The following ASTN2 variants were observed in gnomAD, a reference collection of about 807,000 sequenced individuals.
The protein encoded by ASTN2 is astrotactin-2.
In ASTN2, 54 loss-of-function variants were observed where a neutral mutation model predicts 139.8. The observed-to-expected ratio is 0.39, with a 90% CI of 0.31 to 0.48. The LOEUF (loss-of-function observed/expected upper bound fraction) is 0.48. Ranked by LOEUF, ASTN2 falls within the 20% of genes least tolerant of loss-of-function variation. The pLI is 0.95. For missense variants in ASTN2, 1,565 were observed against 1,725.1 expected (o/e 0.91, Z 1.64); for synonymous variants, 756 against 719.5 (o/e 1.05, Z -0.81).
intron 5 of ASTN2, among the ~76,000 whole-genome samples, chr9:117,060,332 A>AAGAAAGAG (rs1839210359): frequency 1.2e-5 from 1 of 82,030 alleles, no homozygotes; most frequent in Non-Finnish European, 2.2e-5. Context: ...GAAAGAAAGA[A>AAGAAAGAG]AGAAAGAAAG....
chr9:116,783,071 C>T (rs1474480531), intron 13 of ASTN2, among the ~76,000 whole-genome samples: 1 of 152,124 alleles, frequency 6.6e-6, no homozygotes, highest in Non-Finnish European at 1.5e-5. Context: ...ACTAGACTGT[C>T]CTAGTAAAAC....
At chr9:116,741,695 G>A (rs1000820867) in intron 13 of ASTN2, among the ~76,000 whole-genome samples, 9 of 152,162 alleles carry the variant, frequency 5.9e-5, no homozygotes, top group African/African-American at 2.2e-4. Flanking sequence ...CCTCAAGCTG[G>A]GAGGTGCTGG....
intron 1 of ASTN2, among the ~76,000 whole-genome samples, chr9:117,378,748 C>T (rs564821090): frequency 6.6e-6 from 1 of 152,308 alleles, no homozygotes; most frequent in South Asian, 2.1e-4. Flanking sequence ...GTCCTTCCTA[C>T]TCATCAAGGG....
chr9:117,072,353 G>A (rs113317881), intron 5 of ASTN2, among the ~76,000 whole-genome samples: 11 of 152,282 alleles, frequency 7.2e-5, no homozygotes, highest in South Asian at 6.2e-4. Flanking sequence ...ACTGTGGATC[G>A]TAATGCTGAG....
At chr9:116,914,547 TTTATTA>T (rs144153990) in intron 10 of ASTN2, among the ~76,000 whole-genome samples, 58 of 146,912 alleles carry the variant, frequency 3.9e-4, no homozygotes, top group Middle Eastern at 3.5e-3. Context: ...TGTAAAGTGT[TTTATTA>T]TTATTATTAT....
At chr9:117,234,255 C>T (rs1253848009) in intron 2 of ASTN2, among the ~76,000 whole-genome samples, 1 of 152,186 alleles carries the variant, frequency 6.6e-6, no homozygotes, top group Non-Finnish European at 1.5e-5. Flanking sequence ...CAGGCAGGGA[C>T]AGATTGTGTT....
chr9:116,476,464 C>T (rs1229530211), intron 20 of ASTN2, among the ~76,000 whole-genome samples: 1 of 152,112 alleles, frequency 6.6e-6, no homozygotes, highest in African/African-American at 2.4e-5. Flanking sequence ...GTGGCTCTTC[C>T]TTGGTGTCCC....
intron 10 of ASTN2, among the ~76,000 whole-genome samples, chr9:116,889,305 G>A (rs939350535): frequency 6.6e-6 from 1 of 152,204 alleles, no homozygotes; most frequent in Non-Finnish European, 1.5e-5. Flanking sequence ...TGTGGATGTG[G>A]CCTTCCTCTC....
intron 10 of ASTN2, among the ~76,000 whole-genome samples, chr9:116,952,757 C>T (rs1160373906): frequency 6.6e-6 from 1 of 152,246 alleles, no homozygotes; most frequent in Non-Finnish European, 1.5e-5. Flanking sequence ...CAAGCCTCTT[C>T]CTCAGCTAGC....
At chr9:116,918,791 T>C (rs555821658) in intron 10 of ASTN2, among the ~76,000 whole-genome samples, 34 of 152,332 alleles carry the variant, frequency 2.2e-4, no homozygotes, top group African/African-American at 7.5e-4. Flanking sequence ...TATAGACATA[T>C]GATTACAGTC....
intron 11 of ASTN2, among the ~76,000 whole-genome samples, chr9:116,855,732 C>G (rs1832722757): frequency 6.6e-6 from 1 of 152,134 alleles, no homozygotes; most frequent in African/African-American, 2.4e-5. Context: ...TCTGCCTTTA[C>G]CTGGCTGGTT....
chr9:116,625,371 T>C (rs1374653320), intron 17 of ASTN2, among the ~76,000 whole-genome samples: 1 of 151,824 alleles, frequency 6.6e-6, no homozygotes, highest in Non-Finnish European at 1.5e-5. Flanking sequence ...GAGGTGGAGG[T>C]TGCAGTGAGC....
intron 2 of ASTN2, among the ~76,000 whole-genome samples, chr9:117,272,765 C>T (rs1834097295): frequency 6.6e-6 from 1 of 152,178 alleles, no homozygotes; most frequent in Non-Finnish European, 1.5e-5. Flanking sequence ...CACCAGTTCC[C>T]AACAAGTTCC....
intron 7 of ASTN2, among the ~76,000 whole-genome samples, chr9:117,004,687 T>C (rs769806850): frequency 3.9e-5 from 6 of 152,160 alleles, no homozygotes; most frequent in Non-Finnish European, 8.8e-5. Context: ...GTCATGGTAT[T>C]CACGTAACCA....
chr9:117,149,433 T>TTGTG (rs370253276), intron 3 of ASTN2, among the ~76,000 whole-genome samples: 2 of 150,786 alleles, frequency 1.3e-5, no homozygotes, highest in African/African-American at 4.9e-5. Context: ...GTGTGTGTGT[T>TTGTG]TGTGTGTGTG....
At chr9:117,274,984 G>T (rs1010127463) in intron 2 of ASTN2, among the ~76,000 whole-genome samples, 2 of 152,234 alleles carry the variant, frequency 1.3e-5, no homozygotes, top group Non-Finnish European at 2.9e-5. Flanking sequence ...GTTTTGGGTG[G>T]TTGTGTGACC....
chr9:116,867,549 CAAAAAAA>C (rs58222492), intron 10 of ASTN2, among the ~76,000 whole-genome samples: 2 of 78,294 alleles, frequency 2.6e-5, no homozygotes, highest in Non-Finnish European at 2.3e-5. Flanking sequence ...GACTCTGTCT[CAAAAAAA>C]AAAAAAAAAA....
intron 19 of ASTN2, chr9:116,547,660 T>TA (rs2119385537): frequency 6.6e-6 from 1 of 152,282 alleles, no homozygotes; most frequent in Non-Finnish European, 1.5e-5. Context: ...TACAGAAAGT[T>TA]AAAGAACTTA....
At chr9:117,163,707 T>A (rs1830604435) in intron 3 of ASTN2, among the ~76,000 whole-genome samples, 1 of 152,190 alleles carries the variant, frequency 6.6e-6, no homozygotes, top group Non-Finnish European at 1.5e-5. Context: ...ATATATACAA[T>A]TTATGAGTCT....
Sources: gnomAD v4.1 joint callset for allele counts (sites outside exome capture counted in the v4.1 genomes callset) on GRCh38, gnomAD v4.1.1 for gene constraint, MANE v1.5 for transcripts, NCBI Gene and HGNC (gene_info 2026-07-23, HGNC 2026-07-21) for gene names.